The following PPM1E variants were observed in gnomAD, a reference collection of about 807,000 sequenced individuals.
PPM1E encodes the protein protein phosphatase 1E.
A neutral mutation model predicts 65.9 loss-of-function variants in PPM1E; 20 were observed. The ratio of observed to expected loss-of-function variants is 0.30; its 90% CI spans 0.21 to 0.44. The LOEUF (loss-of-function observed/expected upper bound fraction) is 0.44, where lower values mean the gene tolerates loss of function less well. Ranked by LOEUF, PPM1E falls within the 20% of genes least tolerant of loss-of-function variation. The pLI, the probability that PPM1E is intolerant of heterozygous loss-of-function variation, is 1.00. For missense variants in PPM1E, 713 were observed against 953.1 expected, an observed-to-expected ratio of 0.75 and a Z score of 3.32; for synonymous variants, 352 against 374.9, an observed-to-expected ratio of 0.94 and a Z score of 0.70.
chr17:58,870,847 G>C (rs556360476), intron 1 of PPM1E, among the ~76,000 whole-genome samples: 1 of 152,264 alleles, frequency 6.6e-6, no homozygotes, highest in African/African-American at 2.4e-5. Flanking sequence ...TGATTACCCA[G>C]ACTTTAGATT....
intron 1 of PPM1E, among the ~76,000 whole-genome samples, chr17:58,917,661 A>G (rs1195720618): frequency 6.6e-6 from 1 of 152,198 alleles, no homozygotes. Context: ...AAATAAAATG[A>G]CTTTGAGCCC....
chr17:58,876,287 C>T (rs2051126091), intron 1 of PPM1E, among the ~76,000 whole-genome samples: 1 of 151,964 alleles, frequency 6.6e-6, no homozygotes, highest in African/African-American at 2.4e-5. Context: ...CTTTTGTTAT[C>T]CTTAACTTTT....
intron 1 of PPM1E, among the ~76,000 whole-genome samples, chr17:58,863,011 AC>A (rs2050959201): frequency 6.6e-6 from 1 of 152,202 alleles, no homozygotes; most frequent in Non-Finnish European, 1.5e-5. Context: ...AGCCCTTTTT[AC>A]TATATTATCT....
chr17:58,968,016 A>C (rs1194273761), intron 3 of PPM1E, among the ~76,000 whole-genome samples: 1 of 151,890 alleles, frequency 6.6e-6, no homozygotes, highest in African/African-American at 2.4e-5. Flanking sequence ...GTTGGCCAGG[A>C]TGGTCTTGAT....
chr17:58,898,231 G>T (rs932665578), intron 1 of PPM1E, among the ~76,000 whole-genome samples: 1 of 150,704 alleles, frequency 6.6e-6, no homozygotes, highest in African/African-American at 2.4e-5. Context: ...CAGCCTGGGG[G>T]TGACAGAGGG....
At chr17:58,779,218 C>T (rs1005689525) in intron 1 of PPM1E, among the ~76,000 whole-genome samples, 18 of 149,154 alleles carry the variant, frequency 1.2e-4, no homozygotes, top group Admixed American at 6.7e-5. Context: ...TCTTGTTGCC[C>T]AAGCTGGAGT....
chr17:58,858,555 G>A (rs950082089), intron 1 of PPM1E, among the ~76,000 whole-genome samples: 11 of 151,428 alleles, frequency 7.3e-5, no homozygotes, highest in African/African-American at 2.7e-4. Flanking sequence ...ATATGAGTGA[G>A]TATATGCGGT....
chr17:58,834,679 C>G (rs1462412043), intron 1 of PPM1E, among the ~76,000 whole-genome samples: 1 of 152,082 alleles, frequency 6.6e-6, no homozygotes, highest in East Asian at 1.9e-4. Flanking sequence ...GCTTTTATGC[C>G]TTTGTCAAAA....
At chr17:58,970,857 C>T (rs536953759) in intron 4 of PPM1E, among the ~76,000 whole-genome samples, 21 of 152,150 alleles carry the variant, frequency 1.4e-4, no homozygotes, top group South Asian at 8.3e-4. Context: ...GGACAAGGGC[C>T]GGCCCCTGAG....
intron 1 of PPM1E, among the ~76,000 whole-genome samples, chr17:58,892,545 C>G (rs1162537914): frequency 1.3e-5 from 2 of 151,960 alleles, no homozygotes; most frequent in African/African-American, 4.8e-5. Flanking sequence ...TGCACTCCAG[C>G]CTGGGTGACA....
In PPM1E at chr17:58,858,805, T is replaced by C. The variant is rs945604287; in HGVS notation, c.465-96844T>C. ...TGGAATGAACATGGGGGTACAGATATCTCTGACATACTGATTTCCTTTCCT... is the reference window on the plus strand; with the variant it reads ...TGGAATGAACATGGGGGTACAGATACCTCTGACATACTGATTTCCTTTCCT... On this transcript the variant is annotated intron_variant, in intron 1 of 6. Transcript: ENST00000308249. Among the ~76,000 whole-genome samples the C allele has an allele frequency of 4.6e-5, 7 of 152,362 alleles. No homozygotes were observed. In the East Asian group the frequency reaches 1.2e-3, roughly 25 times the overall value.
At chr17:58,866,805 A>T (rs972333498) in intron 1 of PPM1E, among the ~76,000 whole-genome samples, 3 of 152,178 alleles carry the variant, frequency 2.0e-5, no homozygotes, top group African/African-American at 7.2e-5. Context: ...CAAAGAAAGC[A>T]AAAGATCCCA....
intron 1 of PPM1E, among the ~76,000 whole-genome samples, chr17:58,896,592 T>TAAATA (rs941757530): frequency 3.3e-5 from 5 of 151,766 alleles, no homozygotes; most frequent in African/African-American, 1.2e-4. Context: ...CTCAAATAAA[T>TAAATA]AAATAAAATA....
intron 1 of PPM1E, among the ~76,000 whole-genome samples, chr17:58,820,232 G>A (rs1053498241): frequency 6.6e-6 from 1 of 151,998 alleles, no homozygotes; most frequent in African/African-American, 2.4e-5. Flanking sequence ...AGATTTGGGT[G>A]GGGACAGAGT....
At chr17:58,971,656 A>G (rs1025891497) in intron 4 of PPM1E, among the ~76,000 whole-genome samples, 1 of 152,194 alleles carries the variant, frequency 6.6e-6, no homozygotes, top group Admixed American at 6.5e-5. Context: ...GTTGTGTACC[A>G]ATCAGATGTT....
chr17:58,969,641 G>A lies in PPM1E; in HGVS notation c.886G>A (p.Glu296Lys). 1 of 1,614,162 alleles carries A rather than the reference G, an allele frequency of 6.2e-7. No homozygotes were observed. The highest frequency in any genetic ancestry group is 8.5e-7 in the Non-Finnish European group (1 of 1,180,026). The change falls in exon 4 of 7, where the codon GAG (glutamate) becomes AAG (lysine). Residue 296 changes from glutamate (E) to lysine (K), a missense_variant. By Grantham distance (56) the Glu-to-Lys change is moderately conservative (BLOSUM62 1). Around this residue, in one of 6 missense-constraint regions of PPM1E, gnomAD observed 18 missense variants for 16.4 expected, o/e 1.10. Transcript: ENST00000308249. ...IHLHVNLVRQ[E>K]MFPHDPAEAL... is the part of the protein sequence containing the mutation. Reference sequence around the variant, plus strand: ...CCTCCACGTTAACTTAGTCCGCCAGGAGATGTTCCCCCATGATCCTGCTGA... The same window carrying A: ...CCTCCACGTTAACTTAGTCCGCCAGAAGATGTTCCCCCATGATCCTGCTGA...
chr17:58,785,683 C>G, intron 1 of PPM1E: 1 of 151,436 alleles, frequency 6.6e-6, no homozygotes, highest in East Asian at 1.9e-4. Flanking sequence ...AACCACGACC[C>G]CCCCAGTCTT....
At chr17:58,957,912 G>A (rs1254888612) in intron 2 of PPM1E, among the ~76,000 whole-genome samples, 7 of 152,184 alleles carry the variant, frequency 4.6e-5, no homozygotes, top group Admixed American at 2.0e-4. Flanking sequence ...GGAGGCCAAG[G>A]CAGGAGGATC....
chr17:58,764,039 TA>T (rs1247503123), intron 1 of PPM1E, among the ~76,000 whole-genome samples: 10 of 152,028 alleles, frequency 6.6e-5, no homozygotes, highest in Admixed American at 1.3e-4. Flanking sequence ...TGAATTTAGT[TA>T]AAAAAACTTA....
Sources: allele counts gnomAD v4.1 joint callset (sites outside exome capture counted in the v4.1 genomes callset), GRCh38; gene constraint gnomAD v4.1.1; regional missense constraint gnomAD v4.1.1; transcripts MANE v1.5; gene names NCBI Gene and HGNC (gene_info 2026-07-23, HGNC 2026-07-21).